Variants in SEC22A observed in about 807,000 individuals in gnomAD.
SEC22A encodes vesicle-trafficking protein SEC22a.
In SEC22A, 22 loss-of-function variants were observed where a neutral mutation model predicts 35.3. The observed-to-expected ratio is 0.62, with a 90% CI of 0.45 to 0.89. The LOEUF is 0.89. SEC22A is among the 40% of genes least tolerant of loss of function. SEC22A has a pLI of 0.00. For missense variants in SEC22A, 354 were observed against 362.5 expected (o/e 0.98, Z 0.19); for synonymous variants, 119 against 129.5 (o/e 0.92, Z 0.55).
chr3:123,228,739 A>C (rs1437365788), intron 4 of SEC22A, among the ~76,000 whole-genome samples: 1 of 152,086 alleles, frequency 6.6e-6, no homozygotes, highest in Non-Finnish European at 1.5e-5. Context: ...TCAAAGACTA[A>C]AGGAAACTAT....
chr3:123,228,348 T>C (rs1273348422), intron 4 of SEC22A, among the ~76,000 whole-genome samples: 1 of 147,200 alleles, frequency 6.8e-6, no homozygotes, highest in South Asian at 2.2e-4. Flanking sequence ...GCGGATCTCC[T>C]GGGGTTGGGA....
chr3:123,256,574 C>T (rs2108092459), intron 5 of SEC22A, among the ~76,000 whole-genome samples: 1 of 151,554 alleles, frequency 6.6e-6, no homozygotes, highest in Middle Eastern at 3.4e-3. Flanking sequence ...TCTAGGAAGT[C>T]TTCCCTGGCC....
chr3:123,250,337 A>G (rs1246546364), intron 5 of SEC22A, among the ~76,000 whole-genome samples: 1 of 152,058 alleles, frequency 6.6e-6, no homozygotes, highest in East Asian at 1.9e-4. Flanking sequence ...TTGAACCTGG[A>G]AGGTGGAGGT....
chr3:123,205,472 T>C (rs779566329), intron 1 of SEC22A, among the ~76,000 whole-genome samples: 9 of 152,094 alleles, frequency 5.9e-5, no homozygotes, highest in Non-Finnish European at 1.3e-4. Flanking sequence ...GTGGATCACT[T>C]GAGGTCAGAA....
intron 5 of SEC22A, among the ~76,000 whole-genome samples, chr3:123,252,484 T>C (rs1189178270): frequency 1.3e-5 from 2 of 152,188 alleles, no homozygotes; most frequent in Admixed American, 6.5e-5. Flanking sequence ...TGATACTTGA[T>C]TTAAGAGCAA....
Position 123,209,204 on chromosome 3 carries a change from C to G in SEC22A, c.-14C>G. 6.2e-7 allele frequency: 1 copy of G among 1,612,320 alleles called. No individual in the cohort carries two copies. The highest frequency in any genetic ancestry group is 2.2e-5 in the East Asian group (1 of 44,846). ...AATTGTTCATTTTGTTTTAGGTCTT[C>G]TCTGTTGGTTGAAATGTCTATGATT... is the stretch of plus-strand genomic sequence containing the variant. On this transcript the variant is annotated 5_prime_UTR_variant, in exon 2 of 7. Coordinates refer to ENST00000492595, the MANE Select transcript of SEC22A (RefSeq NM_012430.5).
chr3:123,235,649 A>G (rs1413891536), intron 4 of SEC22A, among the ~76,000 whole-genome samples: 2 of 152,182 alleles, frequency 1.3e-5, no homozygotes, highest in Non-Finnish European at 2.9e-5. Flanking sequence ...AAAAAGAGTC[A>G]CCATATGGCC....
rs1559763879 is a variant in SEC22A, at chr3:123,260,169, A to AAAAAAAAAAAAAAAAC, written c.723+580_723+581insAAAAAAAAAAAAAAAC. ...AAAAAAAAAAAAAAAAAAAAAAAAA[A>AAAAAAAAAAAAAAAAC]CTACTAGATTTTCTGGTGGTTGATT... On this transcript the variant is annotated intron_variant, in intron 6 of 6. Transcript: ENST00000492595. Among the ~76,000 whole-genome samples the AAAAAAAAAAAAAAAAC allele has an allele frequency of 1.1e-4, 13 of 114,836 alleles. 2 individuals are homozygous for AAAAAAAAAAAAAAAAC. The highest frequency in any genetic ancestry group is 3.8e-4 in the African/African-American group (11 of 28,756). The allele number at this position is 114,836 out of a possible 152,430, so 75.3% of individuals were successfully genotyped here.
chr3:123,221,577 A>G (rs1315594145), intron 2 of SEC22A, among the ~76,000 whole-genome samples: 1 of 151,598 alleles, frequency 6.6e-6, no homozygotes, highest in African/African-American at 2.4e-5. Flanking sequence ...GATCTAGACC[A>G]GCTATATTGA....
At chr3:123,232,970 A>G (rs1383966337) in intron 4 of SEC22A, among the ~76,000 whole-genome samples, 1 of 152,064 alleles carries the variant, frequency 6.6e-6, no homozygotes, top group Non-Finnish European at 1.5e-5. Context: ...CCATCTCTAC[A>G]AAAAATTTTT....
At chr3:123,256,594 T>TC (rs1441724860) in intron 5 of SEC22A, among the ~76,000 whole-genome samples, 1 of 152,118 alleles carries the variant, frequency 6.6e-6, no homozygotes, top group African/African-American at 2.4e-5. Context: ...CTTTCTTTTT[T>TC]CTCTATGCAG....
At chr3:123,239,476 G>A (rs985578607) in intron 4 of SEC22A, among the ~76,000 whole-genome samples, 3 of 151,754 alleles carry the variant, frequency 2.0e-5, no homozygotes, top group African/African-American at 7.3e-5. Context: ...TCCCCAGAGT[G>A]TGATGTTCCC....
chr3:123,245,857 A>G, intron 4 of SEC22A, 42 bp from the exon 5 acceptor site: 1 of 1,063,200 alleles, frequency 9.4e-7, no homozygotes, highest in Non-Finnish European at 1.4e-6. Context: ...CATCTTTGTG[A>G]GGTATTGGTG....
chr3:123,205,554 G>A (rs1415217596), intron 1 of SEC22A, among the ~76,000 whole-genome samples: 1 of 152,146 alleles, frequency 6.6e-6, no homozygotes, highest in African/African-American at 2.4e-5. Context: ...CAGGCATGGT[G>A]GCGGGCACCT....
At chr3:123,252,354 C>T (rs954537188) in intron 5 of SEC22A, among the ~76,000 whole-genome samples, 5 of 152,058 alleles carry the variant, frequency 3.3e-5, no homozygotes, top group Admixed American at 6.5e-5. Context: ...GTGCAAATCC[C>T]AGGACACAGG....
chr3:123,270,149 C>T (rs886604293), intron 6 of SEC22A, among the ~76,000 whole-genome samples: 11 of 152,016 alleles, frequency 7.2e-5, no homozygotes, highest in Admixed American at 2.0e-4. Flanking sequence ...AAGAGGATAA[C>T]GGGGAACAGG....
chr3:123,205,892 T>C (rs907211201), intron 1 of SEC22A, among the ~76,000 whole-genome samples: 2 of 152,192 alleles, frequency 1.3e-5, no homozygotes, highest in Non-Finnish European at 2.9e-5. Context: ...ACATTAGATA[T>C]TCAGTAAATG....
At chr3:123,234,242 C>T (rs6775780) in intron 4 of SEC22A, among the ~76,000 whole-genome samples, 29,940 of 152,010 alleles carry the variant, frequency 0.2, 3,049 homozygotes, top group Middle Eastern at 0.28. Flanking sequence ...ATAAAAATCC[C>T]GGCTTTTTTT....
Position 123,234,473 on chromosome 3 carries a change from G to A in SEC22A, c.541+9176G>A, listed in dbSNP as rs187107913. Among the ~76,000 whole-genome samples the A allele has an allele frequency of 3.3e-5, 5 of 152,110 alleles. No homozygotes were observed. The East Asian group carries it at 9.6e-4, about 29-fold the overall frequency. On this transcript the variant is annotated intron_variant, in intron 4 of 6. Coordinates refer to ENST00000492595, the MANE Select transcript of SEC22A (RefSeq NM_012430.5). ...AGAGTACAGAAGTAAACTCACTATG[G>A]TTAACTAATTTTCAACAGTGATGCC...
Sources: gnomAD v4.1 joint callset for allele counts (sites outside exome capture counted in the v4.1 genomes callset) on GRCh38, gnomAD v4.1.1 for gene constraint, MANE v1.5 for transcripts, NCBI Gene and HGNC (gene_info 2026-07-23, HGNC 2026-07-21) for gene names.